The following DNAH8 variants were observed in gnomAD, a reference collection of about 807,000 sequenced individuals.
The protein encoded by DNAH8 is dynein axonemal heavy chain 8.
DNAH8 carries 382 observed loss-of-function variants against 562.1 expected under a neutral mutation model. The observed-to-expected ratio is 0.68, with a 90% CI of 0.63 to 0.74. DNAH8 has a LOEUF of 0.74. Among genes scored for constraint, DNAH8 ranks in the 30% least tolerant of loss-of-function variants. The probability of loss-of-function intolerance (pLI) is 0.00; values close to 1 mark genes in which losing one functional copy is unlikely to be tolerated. For missense variants in DNAH8, 5,203 were observed against 5,620.4 expected (o/e 0.93, Z 2.37); for synonymous variants, 1,881 against 1,919.4 (o/e 0.98, Z 0.52).
intron 14 of DNAH8, among the ~76,000 whole-genome samples, chr6:38,779,083 A>G (rs1205401400): frequency 6.6e-6 from 1 of 152,020 alleles, no homozygotes; most frequent in Non-Finnish European, 1.5e-5. Flanking sequence ...ACTCTCTCAA[A>G]GGGCGAGGAA....
At position 38,872,694 on chromosome 6, in the gene DNAH8, G is replaced by A. The variant is rs1345874690; in HGVS notation, c.7149G>A (p.Gln2383=). 6.2e-7 allele frequency: 1 copy of A among 1,613,982 alleles called. No individual in the cohort carries two copies. Among genetic ancestry groups the A allele is most frequent in the Non-Finnish European group, 8.5e-7 (1 of 1,179,976 alleles). Residue 2383 remains glutamine (Q), a synonymous_variant, in exon 50 of 93, where the codon CAG becomes CAA. Coordinates refer to ENST00000327475, the MANE Select transcript of DNAH8 (RefSeq NM_001206927.2). The part of the protein sequence containing the change: ...RMNPKAITAP[Q]MFGRLDTATN... ...ATCCAAAAGCCATTACTGCACCTCAGATGTTTGGCAGACTGGACACTGCTA... is the reference window on the plus strand; with the variant it reads ...ATCCAAAAGCCATTACTGCACCTCAAATGTTTGGCAGACTGGACACTGCTA...
At chr6:38,859,938 A>G (rs531445506) in intron 42 of DNAH8, among the ~76,000 whole-genome samples, 5 of 152,244 alleles carry the variant, frequency 3.3e-5, no homozygotes, top group South Asian at 2.1e-4. Context: ...TGCTTTCTCT[A>G]GATCCCGGGA....
chr6:38,896,386 C>T (rs759109230), intron 60 of DNAH8, among the ~76,000 whole-genome samples, 161 bp downstream of exon 60: 2 of 152,000 alleles, frequency 1.3e-5, no homozygotes, highest in Non-Finnish European at 2.9e-5. Flanking sequence ...CCAGCCTGAG[C>T]AACATAATGA....
chr6:39,030,444 A>G lies in DNAH8; in HGVS notation c.*52A>G, dbSNP rs1468641373. 2.0e-6 allele frequency: 3 copies of G among 1,483,840 alleles called. No homozygotes were observed. The highest frequency in any genetic ancestry group is 2.8e-6 in the Non-Finnish European group (3 of 1,077,826). 91.9% of individuals were successfully genotyped at this position (1,483,840 alleles called of 1,614,324 possible). A position where few individuals can be genotyped will look rare whatever the true frequency, so the allele number is the denominator to read the frequency against. ...AGAACCCACATAGACAGCCTGTGCT[A>G]TTGAGGGACTCAGTGATGTGTGTGT... On this transcript the variant is annotated 3_prime_UTR_variant, in exon 93 of 93. Coordinates refer to ENST00000327475, the MANE Select transcript of DNAH8 (RefSeq NM_001206927.2).
In DNAH8 at chr6:38,968,930, G is replaced by T. The variant is rs547098131; in HGVS notation, c.12452-2662G>T. ...AGATAAAGAAATGTGGTATATCCAT[G>T]CTGTGAACTCTTAGTCAGCCATAAA... is the stretch of plus-strand genomic sequence containing the variant. On this transcript the variant is annotated intron_variant, in intron 82 of 92. Transcript: ENST00000327475. Among the ~76,000 whole-genome samples the T allele has an allele frequency of 2.0e-5, 3 of 152,204 alleles. No homozygotes were observed. The South Asian group carries it at 6.2e-4, about 32-fold the overall frequency.
In DNAH8 at chr6:38,862,454, C is replaced by T. The variant is rs943954692; in HGVS notation, c.6306C>T (p.Phe2102=). The change falls in exon 44 of 93, where the codon TTC becomes TTT. Residue 2102 remains phenylalanine (F), a synonymous_variant. Coordinates refer to ENST00000327475, the MANE Select transcript of DNAH8 (RefSeq NM_001206927.2). ...ATTTCAGAGGCCTAGGAAGGATTTT[C>T]AAAGGCAAGTGTCAAATAATGTAGA... ...QMDFRGLGRI[F]KGLAQSGSWG... is the part of the protein sequence containing the mutation. The T allele has an allele frequency of 9.3e-6, 15 of 1,605,050 alleles. No homozygotes were observed. Among genetic ancestry groups the T allele is most frequent in the Non-Finnish European group, 1.3e-5 (15 of 1,176,272 alleles).
rs762075592 is a variant in DNAH8 at position 39,009,022 on chromosome 6, CA to C, written c.13371+53del. 38 of 1,336,312 alleles carry C rather than the reference CA, an allele frequency of 2.8e-5. 1 individual carries two copies. The highest frequency in any genetic ancestry group is 4.0e-5 in the Non-Finnish European group (38 of 958,068). 82.8% of individuals were successfully genotyped at this position (1,336,312 alleles called of 1,614,324 possible). A position where few individuals can be genotyped will look rare whatever the true frequency, so the allele number is the denominator to read the frequency against. On this transcript the variant is annotated intron_variant, in intron 89 of 92. Coordinates refer to ENST00000327475, the MANE Select transcript of DNAH8 (RefSeq NM_001206927.2). ...ATACAGGGCTATTTGTATATTTAAA[CA>C]GTAAGTTTGATTACCTTGAAAAGCA... is the stretch of plus-strand genomic sequence containing the variant.
intron 74 of DNAH8, among the ~76,000 whole-genome samples, chr6:38,928,868 G>A (rs1782315506): frequency 6.6e-6 from 1 of 152,148 alleles, no homozygotes; most frequent in African/African-American, 2.4e-5. Context: ...CCACTACAGT[G>A]TGTCTATTTT....
chr6:38,823,581 C>T lies in DNAH8; in HGVS notation c.3740C>T (p.Pro1247Leu), dbSNP rs564472219. The change falls in exon 28 of 93, where the codon CCC becomes CTC. Residue 1247 changes from proline to leucine, a missense_variant. Transcript: ENST00000327475. ...CCACAGGAATTTTTGGCTAACAACCCCTCTCTGACTGAAATCAGATCAGAA... is the reference window on the plus strand; with the variant it reads ...CCACAGGAATTTTTGGCTAACAACCTCTCTCTGACTGAAATCAGATCAGAA... ...VKVKEFLANN[P>L]SLTEIRSEIL... is the part of the protein sequence containing the mutation. 1.5e-4 allele frequency: 235 copies of T among 1,608,962 alleles called. No homozygotes were observed. In the South Asian group the frequency reaches 2.4e-3, roughly 16 times the overall value.
At chr6:38,893,089 C>T (rs1779446375) in intron 58 of DNAH8, among the ~76,000 whole-genome samples, 1 of 152,148 alleles carries the variant, frequency 6.6e-6, no homozygotes, top group African/African-American at 2.4e-5. Flanking sequence ...GGAATAAAAG[C>T]CCGCTTGATG....
chr6:38,783,500 T>G (rs1768846949), intron 17 of DNAH8, among the ~76,000 whole-genome samples: 1 of 152,218 alleles, frequency 6.6e-6, no homozygotes, highest in Admixed American at 6.5e-5. Context: ...AAAAATTGCA[T>G]CCTGCCTTCT....
At chr6:38,732,200 T>C (rs1477936533) in intron 4 of DNAH8, among the ~76,000 whole-genome samples, 4 of 152,226 alleles carry the variant, frequency 2.6e-5, no homozygotes, top group Non-Finnish European at 5.9e-5. Flanking sequence ...TAACATTCCA[T>C]TATACAGCTG....
intron 1 of DNAH8, among the ~76,000 whole-genome samples, chr6:38,721,654 A>G (rs9380768): frequency 0.35 from 52,579 of 152,082 alleles, 9,836 homozygotes; most frequent in East Asian, 0.81. Flanking sequence ...GTTAACTAGC[A>G]GCTAAAAGAT....
chr6:38,786,742 T>A, intron 17 of DNAH8, 23 bp from the exon 18 acceptor site: 1 of 1,604,486 alleles, frequency 6.2e-7, no homozygotes. Flanking sequence ...GAATGAGTAA[T>A]GTCAATCATT....
rs45529837 is a variant in DNAH8 at position 38,789,839 on chromosome 6, G to A, written c.2620G>A (p.Val874Met). Residue 874 changes from valine to methionine, a missense_variant, in exon 19 of 93, where the codon GTG becomes ATG. Val to Met is a conservative substitution (Grantham distance 21). Around this residue, in one of 6 missense-constraint regions of DNAH8, gnomAD observed 2,176 missense variants for 2,365.1 expected, o/e 0.92. Transcript: ENST00000327475. ...LQYYDELCQE[V>M]PSVFVNLMTP... ...ATATTATGATGAGTTATGTCAGGAA[G>A]TGCCTTCTGTGTTTGTCAATCTGAT... The A allele has an allele frequency of 0.029, 46,634 of 1,612,376 alleles. 791 individuals carry two copies. Among genetic ancestry groups the A allele is most frequent in the Middle Eastern group, 0.066 (399 of 6,058 alleles).
chr6:38,793,043 A>G (rs888665454), intron 21 of DNAH8, among the ~76,000 whole-genome samples: 6 of 152,322 alleles, frequency 3.9e-5, no homozygotes, highest in Middle Eastern at 3.4e-3. Flanking sequence ...TGGCCTCCCA[A>G]AGTGCTGGGA....
intron 59 of DNAH8, among the ~76,000 whole-genome samples, chr6:38,895,238 C>T (rs542789336): frequency 6.6e-6 from 1 of 152,116 alleles, no homozygotes; most frequent in South Asian, 2.1e-4. Context: ...CCTGCCCAGC[C>T]GGTTACTTCT....
At chr6:38,994,232 C>A (rs1352445949) in intron 88 of DNAH8, among the ~76,000 whole-genome samples, 1 of 152,004 alleles carries the variant, frequency 6.6e-6, no homozygotes, top group Non-Finnish European at 1.5e-5. Context: ...AGTTTTTATT[C>A]TTTTTATTTA....
Position 39,030,312 on chromosome 6 carries a change from A to T in DNAH8, c.14044A>T (p.Thr4682Ser), listed in dbSNP as rs760152805. 1.2e-6 allele frequency: 2 copies of T among 1,614,122 alleles called. No homozygotes were observed. The highest frequency in any genetic ancestry group is 1.7e-6 in the Non-Finnish European group (2 of 1,179,996). The change falls in exon 93 of 93, where the codon ACT becomes TCT. Residue 4682 changes from threonine to serine, a missense_variant. Thr to Ser is a moderately conservative substitution (Grantham distance 58). This residue lies in a region of DNAH8 where 1,399 missense variants were observed against 1,518.4 expected (regional missense o/e 0.92). Coordinates refer to ENST00000327475, the MANE Select transcript of DNAH8 (RefSeq NM_001206927.2). ...KPRRTDLTFI[T>S]VVYLRTVLSP... ...CAGGCGAACTGATTTGACCTTCATC[A>T]CTGTGGTATATTTACGAACAGTGTT...
Sources: gnomAD v4.1 joint callset for allele counts (sites outside exome capture counted in the v4.1 genomes callset) on GRCh38, gnomAD v4.1.1 for gene constraint, gnomAD v4.1.1 regional missense constraint, MANE v1.5 for transcripts, NCBI Gene and HGNC (gene_info 2026-07-23, HGNC 2026-07-21) for gene names.